The following NUDT14 variants were observed in gnomAD, a reference collection of about 807,000 sequenced individuals.
NUDT14 encodes uridine diphosphate glucose pyrophosphatase NUDT14.
Under a neutral mutation model 17.5 loss-of-function variants are expected in NUDT14, and 22 were observed. The observed-to-expected ratio is 1.26, with a 90% CI of 0.90 to 1.80. NUDT14 has a LOEUF of 1.80. Ranked by LOEUF, NUDT14 falls within the 40% of genes most tolerant of loss-of-function variation. NUDT14 has a pLI of 0.00. For synonymous variants in NUDT14, 129 were observed against 125.8 expected (o/e 1.03, Z -0.17); for missense variants, 296 against 295.6 (o/e 1.00, Z -0.01).
chr14:105,181,230 GGGCCGC>G lies in NUDT14; in HGVS notation c.-27_-22del. 1.2e-5 allele frequency: 3 copies of G among 258,536 alleles called. No individual in the cohort carries two copies. The highest frequency in any genetic ancestry group is 9.7e-6 in the Non-Finnish European group (2 of 206,596). 16.0% of individuals were successfully genotyped at this position (258,536 alleles called of 1,614,324 possible). On this transcript the variant is annotated 5_prime_UTR_variant, in exon 1 of 5. Transcript: ENST00000392568. The surrounding 1 kb of genome is among the most constrained non-coding windows in gnomAD (Gnocchi z 5.0). ...TCCATGGCGGCGCCCGGACAGGCGG[GGGCCGC>G]GAGCTCTGCGGGGGCCGACACGGGG...
At chr14:105,177,053 A>G (rs1889230926) in intron 2 of NUDT14, 26 bp from the exon 3 acceptor site, 2 of 1,606,916 alleles carry the variant, frequency 1.2e-6, no homozygotes, top group Non-Finnish European at 1.7e-6. Context: ...GGGGCTCAGC[A>G]CAGAAGCACT....
intron 1 of NUDT14, among the ~76,000 whole-genome samples, chr14:105,179,428 C>T (rs867568330): frequency 2.0e-5 from 3 of 152,376 alleles, no homozygotes; most frequent in African/African-American, 7.2e-5. Flanking sequence ...AGCCTACATC[C>T]GTGTCCACCA....
chr14:105,174,945 C>A (rs927812082), intron 4 of NUDT14, among the ~76,000 whole-genome samples: 3 of 152,346 alleles, frequency 2.0e-5, no homozygotes, highest in East Asian at 1.9e-4. Context: ...TCCAGCCCCC[C>A]ATCAGGCCCT....
At chr14:105,177,902 A>C in intron 1 of NUDT14, 167 bp from the exon 2 acceptor site, 1 of 622,596 alleles carries the variant, frequency 1.6e-6, no homozygotes, top group Non-Finnish European at 2.9e-6. Context: ...AGGAGCAAGC[A>C]GCCTGGGAGG....
intron 1 of NUDT14, among the ~76,000 whole-genome samples, chr14:105,180,471 C>G (rs187358606): frequency 1.2e-3 from 181 of 152,236 alleles, no homozygotes; most frequent in Non-Finnish European, 2.1e-3. Flanking sequence ...GTCTCAAAAA[C>G]AAAACAAAAC....
intron 1 of NUDT14, among the ~76,000 whole-genome samples, chr14:105,178,025 A>G (rs587751305): frequency 6.6e-6 from 1 of 152,278 alleles, no homozygotes; most frequent in Admixed American, 6.5e-5. Flanking sequence ...CAGACCGAGC[A>G]CAAGGGGCTG....
intron 2 of NUDT14, 68 bp downstream of exon 2, chr14:105,177,624 T>A: frequency 6.7e-7 from 1 of 1,484,228 alleles, no homozygotes. Context: ...ACCTTCGCCC[T>A]GGGCCCAGTG....
At position 105,173,325 on chromosome 14, in the gene NUDT14, TAC is replaced by T; in HGVS notation, c.429-66_429-65del. 1 of 1,433,138 alleles carries T rather than the reference TAC, an allele frequency of 7.0e-7. No individual in the cohort carries two copies. The highest frequency in any genetic ancestry group is 1.6e-5 in the South Asian group (1 of 62,522). The allele number at this position is 1,433,138 out of a possible 1,614,324, so 88.8% of individuals were successfully genotyped here. A position where few individuals can be genotyped will look rare whatever the true frequency, so the allele number is the denominator to read the frequency against. ...GGCCCCGCTGGCCCCCTGGCCCTTCTACCACCCTCCAACCCACCCTCTCCACT... is the reference window on the plus strand; with the variant it reads ...GGCCCCGCTGGCCCCCTGGCCCTTCTCACCCTCCAACCCACCCTCTCCACT... On this transcript the variant is annotated intron_variant, in intron 4 of 4. Transcript: ENST00000392568. This position sits in a 1 kb window ranked among gnomAD's most constrained non-coding sequence, Gnocchi z 4.7.
rs772115169 is a variant in NUDT14, at chr14:105,176,678, C to T, written c.284G>A (p.Gly95Asp). ...GPRELQPALP[G>D]SAGVTVELCA... is the part of the protein sequence containing the mutation. ...CAGCTCAACTGTCACCCCCGCTGAGCCGGGCAGGGCTGGCTGTAGCTCCCG... is the reference window on the plus strand; with the variant it reads ...CAGCTCAACTGTCACCCCCGCTGAGTCGGGCAGGGCTGGCTGTAGCTCCCG... The change falls in exon 4 of 5, where the codon GGC (glycine) becomes GAC (aspartate). Residue 95 changes from glycine to aspartate, a missense_variant. Transcript: ENST00000392568. The T allele has an allele frequency of 2.5e-6, 4 of 1,612,772 alleles. No homozygotes were observed. Among genetic ancestry groups the T allele is most frequent in the Admixed American group, 3.3e-5 (2 of 60,018 alleles).
At chr14:105,179,492 T>C (rs909767528) in intron 1 of NUDT14, among the ~76,000 whole-genome samples, 1 of 152,252 alleles carries the variant, frequency 6.6e-6, no homozygotes, top group East Asian at 1.9e-4. Context: ...TCAGCAGAGC[T>C]GTGCCGGCGG....
chr14:105,174,719 C>G (rs74449621), intron 4 of NUDT14, among the ~76,000 whole-genome samples: 1,648 of 152,234 alleles, frequency 0.011, 64 homozygotes, highest in East Asian at 0.1. Flanking sequence ...GAGACAGGCC[C>G]GGCCCTTGGC....
chr14:105,177,295 G>A, intron 2 of NUDT14: 1 of 614,614 alleles, frequency 1.6e-6, no homozygotes. Flanking sequence ...CAGCTGAGTA[G>A]GTCAGGGTGC....
intron 3 of NUDT14, 64 bp downstream of exon 3, chr14:105,176,899 C>T: frequency 6.3e-7 from 1 of 1,577,560 alleles, no homozygotes; most frequent in South Asian, 1.1e-5. Context: ...GTATTCAGAC[C>T]CTCAGGACCA....
At chr14:105,179,363 G>A in intron 1 of NUDT14, among the ~76,000 whole-genome samples, 1 of 152,212 alleles carries the variant, frequency 6.6e-6, no homozygotes, top group South Asian at 2.1e-4. Context: ...CCCCTGGGTG[G>A]CAGCCAGCGT....
intron 4 of NUDT14, chr14:105,176,128 C>T: frequency 1.7e-6 from 1 of 578,418 alleles, no homozygotes; most frequent in East Asian, 7.1e-5. Flanking sequence ...GTGCCTGTTC[C>T]CCAGGAGAGC....
At chr14:105,176,794 G>A (rs1250952771) in intron 3 of NUDT14, 23 bp from the exon 4 acceptor site, 1 of 1,606,274 alleles carries the variant, frequency 6.2e-7, no homozygotes, top group Non-Finnish European at 8.5e-7. Context: ...AAGCCAGACT[G>A]TGCTCACAGC....
At chr14:105,176,929 C>A in intron 3 of NUDT14, 34 bp downstream of exon 3, 1 of 1,600,222 alleles carries the variant, frequency 6.2e-7, no homozygotes, top group East Asian at 2.2e-5. Flanking sequence ...GAAGGTGACC[C>A]TGCAGATCCC....
chr14:105,180,857 C>A (rs1475489306), intron 1 of NUDT14, among the ~76,000 whole-genome samples: 1 of 152,160 alleles, frequency 6.6e-6, no homozygotes, highest in Non-Finnish European at 1.5e-5. Context: ...TCGGATTGGG[C>A]GGGCGGGAAG....
chr14:105,176,324 G>A lies in NUDT14; in HGVS notation c.428+210C>T. 6.6e-6 allele frequency: 4 copies of A among 603,534 alleles called. No individual in the cohort carries two copies. In the South Asian group the frequency reaches 7.9e-5, roughly 12 times the overall value. The allele number at this position is 603,534 out of a possible 1,614,324, so 37.4% of individuals were successfully genotyped here. A position where few individuals can be genotyped will look rare whatever the true frequency, so the allele number is the denominator to read the frequency against. On this transcript the variant is annotated intron_variant, in intron 4 of 4. Coordinates refer to ENST00000392568, the MANE Select transcript of NUDT14 (RefSeq NM_177533.5). ...CACAGCTGGGGGCCGCAGGCTGGGG[G>A]CATGGGGCCGAGACGCTGCAGAGAG...
Sources: allele counts gnomAD v4.1 joint callset (sites outside exome capture counted in the v4.1 genomes callset), GRCh38; gene constraint gnomAD v4.1.1; non-coding constraint Gnocchi (gnomAD v3.1); transcripts MANE v1.5; gene names NCBI Gene and HGNC (gene_info 2026-07-23, HGNC 2026-07-21).